The following AUTS2 variants were observed in gnomAD, a reference collection of about 807,000 sequenced individuals.
The protein encoded by AUTS2 is autism susceptibility gene 2 protein.
Under a neutral mutation model 112.4 loss-of-function variants are expected in AUTS2, and 17 were observed. That is an observed-to-expected ratio of 0.15 (90% CI 0.10 to 0.23). AUTS2 has a LOEUF of 0.23. AUTS2 is among the 10% of genes least tolerant of loss of function. The pLI, the probability that AUTS2 is intolerant of heterozygous loss-of-function variation, is 1.00. For synonymous variants in AUTS2, 751 were observed against 702.7 expected, an observed-to-expected ratio of 1.07 and a Z score of -1.09; for missense variants, 1,510 against 1,701.6, an observed-to-expected ratio of 0.89 and a Z score of 1.98.
intron 1 of AUTS2, among the ~76,000 whole-genome samples, chr7:69,773,644 T>A (rs1466382427): frequency 6.6e-6 from 1 of 152,142 alleles, no homozygotes; most frequent in East Asian, 1.9e-4. Context: ...AGAGTTGATC[T>A]TCCACACTGG....
chr7:69,917,867 G>C (rs1795651929), intron 2 of AUTS2, among the ~76,000 whole-genome samples: 1 of 150,734 alleles, frequency 6.6e-6, no homozygotes, highest in Admixed American at 6.6e-5. Flanking sequence ...TGTTGCGACG[G>C]AGTCTCGCTC....
At chr7:69,958,911 C>T (rs1797322121) in intron 2 of AUTS2, among the ~76,000 whole-genome samples, 1 of 152,172 alleles carries the variant, frequency 6.6e-6, no homozygotes, top group Admixed American at 6.5e-5. Flanking sequence ...TGAGGAATGA[C>T]ATTTGGAGAG....
chr7:70,240,902 C>T (rs909272928), intron 4 of AUTS2, among the ~76,000 whole-genome samples: 23 of 152,104 alleles, frequency 1.5e-4, no homozygotes, highest in African/African-American at 5.6e-4. Flanking sequence ...TAGAAGAAAG[C>T]AACTCCAGGA....
At chr7:70,762,774 C>A in intron 6 of AUTS2, 96 bp from the exon 7 acceptor site, 1 of 923,010 alleles carries the variant, frequency 1.1e-6, no homozygotes, top group Non-Finnish European at 1.7e-6. Flanking sequence ...GGTCCTGTTG[C>A]TGGAGTTGTG....
chr7:70,169,443 G>A (rs1357049244), intron 4 of AUTS2, among the ~76,000 whole-genome samples: 2 of 151,954 alleles, frequency 1.3e-5, no homozygotes, highest in Non-Finnish European at 2.9e-5. Context: ...GGGTTTCACT[G>A]TGTTAGCCAG....
intron 6 of AUTS2, among the ~76,000 whole-genome samples, chr7:70,736,813 G>A (rs538541763): frequency 6.6e-6 from 1 of 152,306 alleles, no homozygotes; most frequent in Admixed American, 6.5e-5. Context: ...GCCACAAAGT[G>A]CATCTCTGCC....
intron 1 of AUTS2, among the ~76,000 whole-genome samples, chr7:69,846,448 G>A (rs1792204594): frequency 6.6e-6 from 1 of 152,086 alleles, no homozygotes; most frequent in Non-Finnish European, 1.5e-5. Flanking sequence ...TATATGCCTG[G>A]CATTGGGCCC....
intron 1 of AUTS2, among the ~76,000 whole-genome samples, chr7:69,766,526 T>A (rs1374169517): frequency 6.6e-6 from 1 of 152,246 alleles, no homozygotes; most frequent in African/African-American, 2.4e-5. Flanking sequence ...ACTACCGTAC[T>A]GTTTTCCATA....
At chr7:70,182,506 A>G (rs1478735111) in intron 4 of AUTS2, among the ~76,000 whole-genome samples, 1 of 152,192 alleles carries the variant, frequency 6.6e-6, no homozygotes, top group Non-Finnish European at 1.5e-5. Context: ...ACATAGTAGG[A>G]CCTCATTAAT....
chr7:69,701,365 A>G (rs377743011), intron 1 of AUTS2, among the ~76,000 whole-genome samples: 8 of 152,160 alleles, frequency 5.3e-5, no homozygotes, highest in South Asian at 2.1e-4. Context: ...CACTTAACCT[A>G]CTAACTGAAA....
At chr7:70,733,569 G>A (rs1310464800) in intron 6 of AUTS2, among the ~76,000 whole-genome samples, 1 of 117,176 alleles carries the variant, frequency 8.5e-6, no homozygotes, top group Non-Finnish European at 1.6e-5. Context: ...TTATGCAGTT[G>A]TAACATTTTT....
intron 5 of AUTS2, among the ~76,000 whole-genome samples, chr7:70,524,326 G>A (rs1799756209): frequency 6.6e-6 from 1 of 152,214 alleles, no homozygotes; most frequent in Non-Finnish European, 1.5e-5. Flanking sequence ...ATTATTCCAT[G>A]TGAAGACTGT....
chr7:69,707,606 C>T (rs867946651), intron 1 of AUTS2, among the ~76,000 whole-genome samples: 2 of 152,144 alleles, frequency 1.3e-5, no homozygotes, highest in Non-Finnish European at 2.9e-5. Flanking sequence ...AGAAATTCAA[C>T]AAATATTTGA....
At chr7:70,203,313 G>T (rs1810391846) in intron 4 of AUTS2, among the ~76,000 whole-genome samples, 1 of 114,110 alleles carries the variant, frequency 8.8e-6, no homozygotes, top group Non-Finnish European at 1.7e-5. Flanking sequence ...CCTGCACAAT[G>T]TGCACATGTA....
chr7:70,068,184 T>TC (rs1051808943), intron 2 of AUTS2, among the ~76,000 whole-genome samples: 1 of 150,980 alleles, frequency 6.6e-6, no homozygotes, highest in African/African-American at 2.4e-5. Context: ...TTTTCTTTTT[T>TC]TTTTTTTTGA....
intron 4 of AUTS2, among the ~76,000 whole-genome samples, chr7:70,181,195 A>G (rs1809279457): frequency 6.6e-6 from 1 of 152,200 alleles, no homozygotes; most frequent in East Asian, 1.9e-4. Context: ...TATTCTATTT[A>G]TGAGCATTCA....
intron 5 of AUTS2, among the ~76,000 whole-genome samples, chr7:70,587,336 C>T (rs1039706184): frequency 3.3e-5 from 5 of 152,170 alleles, no homozygotes; most frequent in Admixed American, 2.0e-4. Context: ...CCCAGCCTCC[C>T]GGAGTATTGG....
intron 1 of AUTS2, among the ~76,000 whole-genome samples, chr7:69,879,612 T>C (rs951612720): frequency 6.6e-6 from 1 of 152,184 alleles, no homozygotes; most frequent in East Asian, 1.9e-4. Context: ...GCACATTATA[T>C]ATATTAACTT....
intron 5 of AUTS2, among the ~76,000 whole-genome samples, chr7:70,451,074 A>G (rs1268020028): frequency 6.6e-6 from 1 of 152,170 alleles, no homozygotes; most frequent in African/African-American, 2.4e-5. Flanking sequence ...TGGGAGACAA[A>G]ACTACCTTAG....
Sources: allele counts gnomAD v4.1 joint callset (sites outside exome capture counted in the v4.1 genomes callset), GRCh38; gene constraint gnomAD v4.1.1; transcripts MANE v1.5; gene names NCBI Gene and HGNC (gene_info 2026-07-23, HGNC 2026-07-21).